The following LRRC49 variants were observed in gnomAD, a reference collection of about 807,000 sequenced individuals.
LRRC49 encodes leucine rich repeat containing 49, also known as leucine-rich repeat-containing protein 49.
A neutral mutation model predicts 83.3 loss-of-function variants in LRRC49; 50 were observed. The ratio of observed to expected loss-of-function variants is 0.60; its 90% confidence interval spans 0.48 to 0.76. LRRC49 has a LOEUF of 0.76. Ranked by LOEUF, LRRC49 falls within the 30% of genes least tolerant of loss-of-function variation. LRRC49 has a pLI of 0.00. For missense variants in LRRC49, 704 were observed against 809.1 expected (o/e 0.87, Z 1.58); for synonymous variants, 286 against 283.3 (o/e 1.01, Z -0.10).
chr15:70,853,989 C>A, intron 1 of LRRC49: 2 of 1,465,176 alleles, frequency 1.4e-6, no homozygotes, highest in Non-Finnish European at 9.1e-7. Context: ...CCCTCCTCCT[C>A]GTCCTCCAAC....
chr15:70,947,427 G>A (rs1161234372), intron 8 of LRRC49, among the ~76,000 whole-genome samples: 1 of 152,014 alleles, frequency 6.6e-6, no homozygotes, highest in East Asian at 1.9e-4. Context: ...TATGACTTTT[G>A]TTTTCCATGA....
intron 15 of LRRC49, among the ~76,000 whole-genome samples, chr15:71,040,845 C>T (rs1226099250): frequency 7.0e-6 from 1 of 142,702 alleles, no homozygotes; most frequent in African/African-American, 2.5e-5. Flanking sequence ...AAAAAGGATT[C>T]AAGCTTTCCC....
At chr15:71,010,729 T>C (rs1160839662) in intron 13 of LRRC49, among the ~76,000 whole-genome samples, 1 of 152,008 alleles carries the variant, frequency 6.6e-6, no homozygotes, top group Admixed American at 6.6e-5. Context: ...TCAAAAGCCA[T>C]GTTCTTTTAA....
chr15:70,977,527 C>T (rs748790083), intron 9 of LRRC49, among the ~76,000 whole-genome samples: 40 of 152,164 alleles, frequency 2.6e-4, no homozygotes, highest in Non-Finnish European at 4.3e-4. Context: ...TGCCTGTAAT[C>T]CCAGCTTCTT....
intron 15 of LRRC49, among the ~76,000 whole-genome samples, chr15:71,039,378 A>G (rs2039628501): frequency 6.6e-6 from 1 of 152,160 alleles, no homozygotes; most frequent in Admixed American, 6.6e-5. Context: ...CTCTTCCTGA[A>G]TACAGCTGGT....
At chr15:71,022,463 GACAT>G (rs1307357891) in intron 14 of LRRC49, among the ~76,000 whole-genome samples, 2 of 152,096 alleles carry the variant, frequency 1.3e-5, no homozygotes, top group African/African-American at 4.8e-5. Context: ...AGATACATCT[GACAT>G]ATGTTTACAT....
intron 2 of LRRC49, among the ~76,000 whole-genome samples, chr15:70,875,789 GCCTAGATTGGAACTT>G (rs1434731744): frequency 5.3e-5 from 8 of 152,200 alleles, no homozygotes; most frequent in African/African-American, 1.9e-4. Flanking sequence ...GCGTCTTGGA[GCCTAGATTGGAACTT>G]CGGTATTCAG....
At chr15:71,046,856 G>A (rs930229428) in intron 15 of LRRC49, among the ~76,000 whole-genome samples, 7 of 152,142 alleles carry the variant, frequency 4.6e-5, no homozygotes, top group African/African-American at 1.7e-4. Context: ...TTGAGTTAAT[G>A]TTTGTATATG....
intron 5 of LRRC49, among the ~76,000 whole-genome samples, chr15:70,909,130 T>G (rs2034440008): frequency 6.6e-6 from 1 of 152,234 alleles, no homozygotes; most frequent in Non-Finnish European, 1.5e-5. Context: ...ACTACATTGA[T>G]TCTTCAAATC....
In LRRC49 at chr15:70,882,775, C is replaced by A; in HGVS notation, c.18+9552C>A. The A allele has an allele frequency of 2.5e-6, 4 of 1,614,124 alleles. No homozygotes were observed. In the Admixed American group the frequency reaches 5.0e-5, roughly 20 times the overall value. On this transcript the variant is annotated intron_variant, in intron 2 of 16. Transcript: ENST00000544974. ...TCAAAACATACCCACACTACGGTGACGGGGCCTTTTCAAAGAAATTTGTGT... is the reference window on the plus strand; with the variant it reads ...TCAAAACATACCCACACTACGGTGAAGGGGCCTTTTCAAAGAAATTTGTGT...
chr15:70,917,357 C>T lies in LRRC49; in HGVS notation c.568-1693C>T, dbSNP rs950673374. Among the ~76,000 whole-genome samples the T allele has an allele frequency of 5.3e-5, 8 of 152,166 alleles. No individual in the cohort carries two copies. The South Asian group carries it at 1.2e-3, about 24-fold the overall frequency. ...CCTTTTCTGGGCCTGCCTGTGGCCGCCCATGGGCCAATCAGCACTCACTTC... is the reference window on the plus strand; with the variant it reads ...CCTTTTCTGGGCCTGCCTGTGGCCGTCCATGGGCCAATCAGCACTCACTTC... On this transcript the variant is annotated intron_variant, in intron 6 of 15. Coordinates refer to ENST00000260382, the MANE Select transcript of LRRC49 (RefSeq NM_017691.5).
chr15:70,988,926 G>A (rs950000422), intron 11 of LRRC49, among the ~76,000 whole-genome samples: 1 of 152,110 alleles, frequency 6.6e-6, no homozygotes, highest in African/African-American at 2.4e-5. Context: ...GAAATTCTGG[G>A]TTGAAAATTC....
rs542841180 is a variant in LRRC49, at chr15:70,937,004, G to A, written c.773+182G>A. ...TCTTGTGTGTATTCTTGCCTGTAAT[G>A]CTAACATGATGAAATTAATATAGCA... On this transcript the variant is annotated intron_variant, in intron 8 of 15. Transcript: ENST00000260382. Among the ~76,000 whole-genome samples, 5 of 152,304 alleles carry A rather than the reference G, an allele frequency of 3.3e-5. No homozygotes were observed. The South Asian group carries it at 6.2e-4, about 19-fold the overall frequency.
intron 9 of LRRC49, among the ~76,000 whole-genome samples, chr15:70,973,578 C>T (rs1057034696): frequency 6.6e-6 from 1 of 152,126 alleles, no homozygotes; most frequent in African/African-American, 2.4e-5. Context: ...TGAAGCTGTG[C>T]CCACAACCGC....
intron 2 of LRRC49, among the ~76,000 whole-genome samples, chr15:70,879,525 A>G (rs962101539): frequency 1.3e-5 from 2 of 152,174 alleles, no homozygotes; most frequent in African/African-American, 4.8e-5. Flanking sequence ...CTCCATTTCC[A>G]CTGTGATGAG....
chr15:70,887,149 G>A (rs1646061532), intron 2 of LRRC49, among the ~76,000 whole-genome samples: 1 of 151,786 alleles, frequency 6.6e-6, no homozygotes, highest in South Asian at 2.1e-4. Context: ...TTTCCAAAAG[G>A]AAAACTCCTG....
intron 14 of LRRC49, among the ~76,000 whole-genome samples, chr15:71,013,992 T>C (rs1053876229): frequency 6.6e-6 from 1 of 152,186 alleles, no homozygotes; most frequent in Non-Finnish European, 1.5e-5. Flanking sequence ...CATGTTACCC[T>C]ACTATAATTT....
At chr15:70,932,626 A>G (rs1384077139) in intron 7 of LRRC49, among the ~76,000 whole-genome samples, 8 of 151,848 alleles carry the variant, frequency 5.3e-5, no homozygotes, top group Non-Finnish European at 1.5e-5. Flanking sequence ...TTATTCCTCT[A>G]GAGGAAGCTG....
In LRRC49 at chr15:70,954,590, G is replaced by T. The variant is rs549741926; in HGVS notation, c.774-9195G>T. On this transcript the variant is annotated intron_variant, in intron 8 of 15. Coordinates refer to ENST00000260382, the MANE Select transcript of LRRC49 (RefSeq NM_017691.5). The stretch of plus-strand genomic sequence containing the variant: ...TTATTATTTGAAGTTATTGTCCTTT[G>T]GGTGAGGCTTTTTGTTTTTATGATC... 1.2e-4 allele frequency among the ~76,000 whole-genome samples: 19 copies of T among 152,242 alleles called. No individual in the cohort carries two copies. In the South Asian group the frequency reaches 3.9e-3, roughly 32 times the overall value.
Sources: allele counts gnomAD v4.1 joint callset (sites outside exome capture counted in the v4.1 genomes callset), GRCh38; gene constraint gnomAD v4.1.1; transcripts MANE v1.5; gene names NCBI Gene and HGNC (gene_info 2026-07-23, HGNC 2026-07-21).